The following SORBS3 variants were observed in gnomAD, a reference collection of about 807,000 sequenced individuals.
SORBS3 encodes the protein vinexin.
In SORBS3, 69 loss-of-function variants were observed where a neutral mutation model predicts 98.0. That is an observed-to-expected ratio of 0.70 (90% CI 0.58 to 0.86). SORBS3 has a LOEUF of 0.86. Ranked by LOEUF, SORBS3 falls within the 40% of genes least tolerant of loss-of-function variation. The pLI is 0.00. For synonymous variants in SORBS3, 394 were observed against 355.4 expected, an observed-to-expected ratio of 1.11 and a Z score of -1.22; for missense variants, 954 against 908.5, an observed-to-expected ratio of 1.05 and a Z score of -0.64.
In SORBS3 at chr8:22,572,341, T is replaced by A; in HGVS notation, c.1849T>A (p.Tyr617Asn). 22 of 1,613,654 alleles carry A rather than the reference T, an allele frequency of 1.4e-5. No individual in the cohort carries two copies. The highest frequency in any genetic ancestry group is 1.9e-5 in the Non-Finnish European group (22 of 1,179,668). ...PNTSQIHWTP[Y>N]RAMYQYRPQN... ...GTTGCCATGATACGCTTCTCGCAGG[T>A]ACCGGGCGATGTACCAGTACAGGCC... is the stretch of plus-strand genomic sequence containing the variant. The change falls in exon 20 of 21, where the codon TAC becomes AAC. Residue 617 changes from tyrosine (Y) to asparagine (N), a missense_variant and splice_region_variant. Coordinates refer to ENST00000240123, the MANE Select transcript of SORBS3 (RefSeq NM_005775.5).
intron 11 of SORBS3, chr8:22,565,579 G>T: frequency 1.6e-6 from 1 of 644,258 alleles, no homozygotes. Context: ...CTTTCTAAGC[G>T]GACTCCACGT....
Position 22,566,877 on chromosome 8 carries a change from C to T in SORBS3, c.1190+9C>T, listed in dbSNP as rs1840439034. The T allele has an allele frequency of 6.2e-7, 1 of 1,605,594 alleles. No homozygotes were observed. Among genetic ancestry groups the T allele is most frequent in the Non-Finnish European group, 8.5e-7 (1 of 1,176,162 alleles). ...CAGGCGCAGTCCCCCAAGTAAGCGC[C>T]CTCCTCCCCCTCCCCTTCCACCCAA... On this transcript the variant is annotated intron_variant, in intron 15 of 20. Transcript: ENST00000240123.
rs1310650182 is a variant in SORBS3 at position 22,574,777 on chromosome 8, T to G, written c.*49T>G. On this transcript the variant is annotated 3_prime_UTR_variant, in exon 21 of 21. Transcript: ENST00000240123. ...CCAGCCAGGATGGGGTGGGGAGCGG[T>G]GGCACTCGTGGGAGGGAGAGGACCC... is the stretch of plus-strand genomic sequence containing the variant. 6.3e-7 allele frequency: 1 copy of G among 1,576,554 alleles called. No homozygotes were observed. Among genetic ancestry groups the G allele is most frequent in the Admixed American group, 1.7e-5 (1 of 59,902 alleles).
intron 18 of SORBS3, 109 bp from the exon 19 acceptor site, chr8:22,571,609 C>A: frequency 1.3e-6 from 1 of 766,306 alleles, no homozygotes; most frequent in South Asian, 1.5e-5. Context: ...GTTTGTAAGG[C>A]GTGCTGGCAG....
intron 16 of SORBS3, among the ~76,000 whole-genome samples, chr8:22,568,686 C>T (rs1404741182): frequency 6.6e-6 from 1 of 152,278 alleles, no homozygotes; most frequent in East Asian, 1.9e-4. Context: ...CGTGAGGATT[C>T]TGGGCTCCGG....
intron 3 of SORBS3, among the ~76,000 whole-genome samples, chr8:22,555,855 A>AAAAAC (rs1423231865): frequency 8.5e-5 from 13 of 152,330 alleles, no homozygotes; most frequent in African/African-American, 2.9e-4. Flanking sequence ...GTCTCAAAAC[A>AAAAAC]AAAACAAAAA....
intron 5 of SORBS3, among the ~76,000 whole-genome samples, chr8:22,559,041 C>T (rs1414586085): frequency 1.3e-5 from 2 of 152,184 alleles, no homozygotes; most frequent in Admixed American, 6.5e-5. Flanking sequence ...TCAGCTTTTA[C>T]GGTGCAAATA....
upstream of SORBS3, among the ~76,000 whole-genome samples, chr8:22,548,530 C>T (rs74437232): frequency 0.016 from 2,490 of 152,274 alleles, 31 homozygotes; most frequent in Non-Finnish European, 0.025. Context: ...AGAAAACACT[C>T]AGAATTCTGA....
In SORBS3 at chr8:22,554,492, C is replaced by T. The variant is rs1331283807; in HGVS notation, c.-15C>T. 6.2e-7 allele frequency: 1 copy of T among 1,607,362 alleles called. No individual in the cohort carries two copies. The highest frequency in any genetic ancestry group is 1.7e-5 in the Admixed American group (1 of 59,668). ...GCAGCTGGCTTGCCCGGAGTCCTCC[C>T]ACCTTGACCCAAGCATGCAGGGCCC... On this transcript the variant is annotated 5_prime_UTR_variant, in exon 2 of 21. Coordinates refer to ENST00000240123, the MANE Select transcript of SORBS3 (RefSeq NM_005775.5). The surrounding 1 kb of genome is among the most constrained non-coding windows in gnomAD (Gnocchi z 6.5).
chr8:22,566,021 C>A, intron 12 of SORBS3, 149 bp downstream of exon 12: 3 of 598,194 alleles, frequency 5.0e-6, no homozygotes, highest in African/African-American at 1.9e-5. Context: ...GGGACCGCAG[C>A]GCCACTCTCT....
At chr8:22,566,148 C>A (rs1840412494) in intron 12 of SORBS3, 197 bp from the exon 13 acceptor site, 4 of 745,098 alleles carry the variant, frequency 5.4e-6, no homozygotes, top group Non-Finnish European at 7.8e-6. Context: ...GGCACTCCCG[C>A]TGGGCCCTGC....
At chr8:22,558,926 G>A (rs1840239279) in intron 5 of SORBS3, among the ~76,000 whole-genome samples, 1 of 152,234 alleles carries the variant, frequency 6.6e-6, no homozygotes, top group Admixed American at 6.5e-5. Flanking sequence ...TGTTCTGGAC[G>A]GGCAAGGAGA....
At chr8:22,556,632 C>A in intron 3 of SORBS3, 83 bp from the exon 4 acceptor site, 2 of 1,230,302 alleles carry the variant, frequency 1.6e-6, no homozygotes, top group Non-Finnish European at 2.4e-6. Context: ...CACAGAGATC[C>A]ATGCTCTGAG....
chr8:22,546,667 T>G (rs1222968723), intron 1 of SORBS3, among the ~76,000 whole-genome samples: 1 of 152,242 alleles, frequency 6.6e-6, no homozygotes, highest in Non-Finnish European at 1.5e-5. Flanking sequence ...AATAGTTTTG[T>G]ACTCTTGTAA....
intron 5 of SORBS3, chr8:22,560,902 G>C (rs1249140792): frequency 5.9e-6 from 1 of 170,358 alleles, no homozygotes; most frequent in African/African-American, 2.4e-5. Context: ...GGGGAGCAGT[G>C]GGTCAGTAGC....
At chr8:22,566,087 G>A (rs1327188961) in intron 12 of SORBS3, 2 of 569,098 alleles carry the variant, frequency 3.5e-6, no homozygotes, top group Non-Finnish European at 5.3e-6. Flanking sequence ...GAGGACCGGG[G>A]TCGCGGCCGC....
chr8:22,564,945 GA>G, intron 10 of SORBS3: 2 of 1,306,818 alleles, frequency 1.5e-6, no homozygotes, highest in South Asian at 3.4e-5. Flanking sequence ...TGGAGGGCGG[GA>G]GAAGATGGGA....
At chr8:22,551,341 G>A (rs1840077351), upstream of SORBS3, among the ~76,000 whole-genome samples, 1 of 151,254 alleles carries the variant, frequency 6.6e-6, no homozygotes, top group Non-Finnish European at 1.5e-5. The surrounding 1 kb of genome is among the most constrained non-coding windows in gnomAD (Gnocchi z 5.8). Flanking sequence ...CCCCTGGTCC[G>A]CTCCGCCACT....
chr8:22,557,047 T>TG, intron 4 of SORBS3, 139 bp downstream of exon 4: 1 of 980,038 alleles, frequency 1.0e-6, no homozygotes, highest in Non-Finnish European at 1.5e-6. Flanking sequence ...TCAACCGTGG[T>TG]GGGGTTCAGC....
Sources: gnomAD v4.1 joint callset for allele counts (sites outside exome capture counted in the v4.1 genomes callset) on GRCh38, gnomAD v4.1.1 for gene constraint, Gnocchi (gnomAD v3.1) non-coding constraint, MANE v1.5 for transcripts, NCBI Gene and HGNC (gene_info 2026-07-23, HGNC 2026-07-21) for gene names.